The following RTN1 variants were observed in gnomAD, a reference collection of about 807,000 sequenced individuals.
RTN1 encodes the protein reticulon-1.
A neutral mutation model predicts 65.5 loss-of-function variants in RTN1; 25 were observed. The ratio of observed to expected loss-of-function variants is 0.38; its 90% CI spans 0.28 to 0.53. The LOEUF (loss-of-function observed/expected upper bound fraction) is 0.53, where lower values mean the gene tolerates loss of function less well. RTN1 is among the 20% of genes least tolerant of loss of function. RTN1 has a pLI of 0.79. For missense variants in RTN1, 983 were observed against 1,025.4 expected (o/e 0.96, Z 0.57); for synonymous variants, 471 against 447.6 (o/e 1.05, Z -0.66).
intron 2 of RTN1, among the ~76,000 whole-genome samples, chr14:59,740,801 A>G (rs766708113): frequency 6.6e-6 from 1 of 152,214 alleles, no homozygotes; most frequent in Non-Finnish European, 1.5e-5. Context: ...AGAAGTTTCC[A>G]TATCTTTGCT....
At chr14:59,703,332 G>A (rs762932265) in intron 3 of RTN1, among the ~76,000 whole-genome samples, 3 of 152,162 alleles carry the variant, frequency 2.0e-5, no homozygotes, top group Non-Finnish European at 4.4e-5. Context: ...CTTCATGAAT[G>A]GTTTAGCACT....
intron 2 of RTN1, among the ~76,000 whole-genome samples, chr14:59,731,916 G>A (rs1884905546): frequency 1.3e-5 from 2 of 151,990 alleles, no homozygotes; most frequent in African/African-American, 4.8e-5. Context: ...CCATCACTAG[G>A]TCCCAATTAC....
At chr14:59,676,412 A>C (rs1260055651) in intron 3 of RTN1, among the ~76,000 whole-genome samples, 1 of 152,232 alleles carries the variant, frequency 6.6e-6, no homozygotes, top group Non-Finnish European at 1.5e-5. Context: ...AGTGGTGGCA[A>C]TTAGAGAACA....
chr14:59,596,726 T>C lies in RTN1; in HGVS notation c.*19A>G, dbSNP rs1320581837. Reference sequence around the variant, plus strand: ...TCCAGACATTCCTGTTTGTGTCCAGTCCCCGGTGGGAAATCAGTTTACTCA... The same window carrying C: ...TCCAGACATTCCTGTTTGTGTCCAGCCCCCGGTGGGAAATCAGTTTACTCA... On this transcript the variant is annotated 3_prime_UTR_variant, in exon 9 of 9. Coordinates refer to ENST00000267484, the MANE Select transcript of RTN1 (RefSeq NM_021136.3). 4 of 1,595,706 alleles carry C rather than the reference T, an allele frequency of 2.5e-6. No individual in the cohort carries two copies. The Admixed American group carries it at 5.0e-5, about 20-fold the overall frequency.
At chr14:59,696,193 A>T (rs541040069) in intron 3 of RTN1, among the ~76,000 whole-genome samples, 3 of 152,314 alleles carry the variant, frequency 2.0e-5, no homozygotes, top group Admixed American at 1.3e-4. Flanking sequence ...GGCAGCAGAC[A>T]AGGTCATGTA....
chr14:59,704,107 C>A (rs959648962), intron 3 of RTN1, among the ~76,000 whole-genome samples: 1 of 152,116 alleles, frequency 6.6e-6, no homozygotes, highest in East Asian at 1.9e-4. Flanking sequence ...AAACTTAAAC[C>A]TATTTTTAGA....
chr14:59,820,057 C>T (rs1018257951), intron 1 of RTN1, among the ~76,000 whole-genome samples: 1 of 152,214 alleles, frequency 6.6e-6, no homozygotes, highest in South Asian at 2.1e-4. Context: ...GCCGAGGAGG[C>T]GCCGAGAGCG....
At chr14:59,853,993 T>C (rs1887556686) in intron 1 of RTN1, among the ~76,000 whole-genome samples, 1 of 151,706 alleles carries the variant, frequency 6.6e-6, no homozygotes, top group East Asian at 1.9e-4. Context: ...GCCTCACAAG[T>C]AGCTGGGACT....
intron 1 of RTN1, among the ~76,000 whole-genome samples, chr14:59,800,176 G>A (rs1236122513): frequency 2.0e-5 from 3 of 152,162 alleles, no homozygotes; most frequent in East Asian, 3.9e-4. Flanking sequence ...CATTGTGAGA[G>A]GAATTTGAAG....
Position 59,605,454 on chromosome 14 carries a change from T to G in RTN1, c.2026A>C (p.Thr676Pro). Residue 676 changes from threonine (T) to proline (P), a missense_variant, in exon 5 of 9, where the codon ACG (threonine) becomes CCG (proline). By Grantham distance (38) the Thr-to-Pro change is conservative. Transcript: ENST00000267484. Reference sequence around the variant, plus strand: ...TTCACGTAGAACTGCAGGCAGTCCGTGTACTTCTGAATCTGCTCCTGAGAA... The same window carrying G: ...TTCACGTAGAACTGCAGGCAGTCCGGGTACTTCTGAATCTGCTCCTGAGAA... ...TLSQEQIQKY[T>P]DCLQFYVNST... 1.2e-6 allele frequency: 2 copies of G among 1,614,126 alleles called. No individual in the cohort carries two copies. The highest frequency in any genetic ancestry group is 1.7e-6 in the Non-Finnish European group (2 of 1,179,988).
intron 3 of RTN1, among the ~76,000 whole-genome samples, chr14:59,622,143 C>T (rs1269939819): frequency 6.6e-5 from 10 of 152,106 alleles, no homozygotes; most frequent in African/African-American, 1.9e-4. Context: ...TGAGACCAGC[C>T]TGGCCAACAT....
At chr14:59,633,012 A>G (rs1250638484) in intron 3 of RTN1, among the ~76,000 whole-genome samples, 2 of 152,188 alleles carry the variant, frequency 1.3e-5, no homozygotes, top group African/African-American at 4.8e-5. Flanking sequence ...TGAAGTGGGA[A>G]GATCACTTGA....
intron 3 of RTN1, among the ~76,000 whole-genome samples, chr14:59,661,381 A>T (rs1883244148): frequency 6.6e-6 from 1 of 152,134 alleles, no homozygotes; most frequent in Non-Finnish European, 1.5e-5. Flanking sequence ...AAAAGAGGGA[A>T]TCCTCCCTAA....
At chr14:59,731,604 T>G (rs964116697) in intron 2 of RTN1, among the ~76,000 whole-genome samples, 2 of 152,230 alleles carry the variant, frequency 1.3e-5, no homozygotes, top group Non-Finnish European at 2.9e-5. Context: ...ACCAAGATTT[T>G]GGGATTTATC....
intron 8 of RTN1, among the ~76,000 whole-genome samples, chr14:59,602,458 T>C (rs1881608922): frequency 6.6e-6 from 1 of 152,112 alleles, no homozygotes; most frequent in South Asian, 2.1e-4. Context: ...TAGCTATGGG[T>C]ATGTAAAACT....
chr14:59,683,099 C>T (rs1883777718), intron 3 of RTN1, among the ~76,000 whole-genome samples: 1 of 152,150 alleles, frequency 6.6e-6, no homozygotes, highest in South Asian at 2.1e-4. Context: ...TGGTCCTATA[C>T]TGAAGCTTAT....
At chr14:59,838,083 C>T (rs181611070) in intron 1 of RTN1, among the ~76,000 whole-genome samples, 40 of 152,254 alleles carry the variant, frequency 2.6e-4, no homozygotes, top group East Asian at 1.3e-3. Context: ...GGTAGTTTTT[C>T]GGCCTTTGCC....
chr14:59,788,665 A>G (rs568033648), intron 1 of RTN1, among the ~76,000 whole-genome samples: 2 of 152,316 alleles, frequency 1.3e-5, no homozygotes, highest in African/African-American at 4.8e-5. Flanking sequence ...CCCAATGTTT[A>G]TATGAATTTG....
intron 4 of RTN1, among the ~76,000 whole-genome samples, chr14:59,606,283 A>C (rs192602676): frequency 6.6e-6 from 1 of 151,558 alleles, no homozygotes; most frequent in Non-Finnish European, 1.5e-5. Context: ...AACCCTGTGA[A>C]TTGAGATAAA....
Sources: allele counts gnomAD v4.1 joint callset (sites outside exome capture counted in the v4.1 genomes callset), GRCh38; gene constraint gnomAD v4.1.1; transcripts MANE v1.5; gene names NCBI Gene and HGNC (gene_info 2026-07-23, HGNC 2026-07-21).